The following MMRN2 variants were observed in gnomAD, a reference collection of about 807,000 sequenced individuals.
MMRN2 encodes multimerin-2.
MMRN2 carries 53 observed loss-of-function variants against 68.8 expected under a neutral mutation model. The ratio of observed to expected loss-of-function variants is 0.77; its 90% CI spans 0.62 to 0.97. The LOEUF is 0.97. Ranked by LOEUF, MMRN2 falls within the 50% of genes least tolerant of loss-of-function variation. The pLI is 0.00. For missense variants in MMRN2, 1,266 were observed against 1,259.5 expected (o/e 1.01, Z -0.08); for synonymous variants, 564 against 551.6 (o/e 1.02, Z -0.32).
rs1330637349 is a variant in MMRN2 at position 86,944,079 on chromosome 10, G to A, written c.705C>T (p.Thr235=). 1 of 1,614,004 alleles carries A rather than the reference G, an allele frequency of 6.2e-7. No homozygotes were observed. Among genetic ancestry groups the A allele is most frequent in the African/African-American group, 1.3e-5 (1 of 74,924 alleles). The part of the protein sequence containing the change: ...LEQVLLPHVD[T]FLQVHFSPIW... ...TGGGGCTGAAATGCACTTGTAGGAAGGTGTCCACGTGGGGTAGCAGCACCT... is the reference window on the plus strand; with the variant it reads ...TGGGGCTGAAATGCACTTGTAGGAAAGTGTCCACGTGGGGTAGCAGCACCT... Residue 235 remains threonine (T), a synonymous_variant, in exon 6 of 7, where the codon ACC becomes ACT. Transcript: ENST00000372027.
rs897329900 is a variant in MMRN2 at position 86,945,355 on chromosome 10, C to T, written c.400+15G>A. The T allele has an allele frequency of 5.6e-6, 9 of 1,600,234 alleles. No homozygotes were observed. The highest frequency in any genetic ancestry group is 2.7e-5 in the African/African-American group (2 of 74,692). On this transcript the variant is annotated intron_variant, in intron 3 of 6. Transcript: ENST00000372027. ...TCAGAGGTCAAGGGGGGAAGGGGGC[C>T]GCAGGGAGCCCTACCGTGGTGCTCG...
In MMRN2 at chr10:86,942,495, T is replaced by G. The variant is rs554439647; in HGVS notation, c.2289A>C (p.Glu763Asp). 2.5e-6 allele frequency: 4 copies of G among 1,614,096 alleles called. No homozygotes were observed. The South Asian group carries it at 4.4e-5, about 18-fold the overall frequency. The change falls in exon 6 of 7, where the codon GAA (glutamate) becomes GAC (aspartate). Residue 763 changes from glutamate (E) to aspartate (D), a missense_variant. Transcript: ENST00000372027. ...TCCCCAGGTCCAGGCTGACGTTGGCTTCCATGAGCCCTTGGAAGTTCCCAA... is the reference window on the plus strand; with the variant it reads ...TCCCCAGGTCCAGGCTGACGTTGGCGTCCATGAGCCCTTGGAAGTTCCCAA... Reference protein sequence around the residue: ...SLFGNFQGLMEANVSLDLGKL... With the variant: ...SLFGNFQGLMDANVSLDLGKL...
chr10:86,943,376 C>T lies in MMRN2; in HGVS notation c.1408G>A (p.Glu470Lys), dbSNP rs555019898. Residue 470 changes from glutamate to lysine, a missense_variant, in exon 6 of 7, where the codon GAG becomes AAG. Physicochemically the swap from Glu to Lys is moderately conservative, Grantham distance 56. Coordinates refer to ENST00000372027, the MANE Select transcript of MMRN2 (RefSeq NM_024756.3). This position sits in a 1 kb window ranked among gnomAD's most constrained non-coding sequence, Gnocchi z 4.2. ...AGGTGCTGCAGCGTGAGGTTGAGCT[C>T]CAGGAGCTGCCGCTCCACCTCCTCC... Reference protein sequence around the residue: ...NKEEVERQLLELNLTLQHLQG... With the variant: ...NKEEVERQLLKLNLTLQHLQG... 368 of 1,613,952 alleles carry T rather than the reference C, an allele frequency of 2.3e-4. 1 individual carries two copies. The South Asian group carries it at 3.9e-3, about 17-fold the overall frequency.
chr10:86,948,493 A>T (rs1048423290), intron 1 of MMRN2, among the ~76,000 whole-genome samples: 1 of 152,172 alleles, frequency 6.6e-6, no homozygotes, highest in Non-Finnish European at 1.5e-5. Flanking sequence ...ATGAAAATAA[A>T]TTTAATGGAA....
In MMRN2 at chr10:86,957,396, C is replaced by A. The variant is rs573069934; in HGVS notation, c.146G>T (p.Gly49Val). The change falls in exon 1 of 7, where the codon GGC becomes GTC. Residue 49 changes from glycine (G) to valine (V), a missense_variant. By Grantham distance (109) the Gly-to-Val change is moderately radical (BLOSUM62 -3). Transcript: ENST00000372027. ...GVWKAEAEDT[G>V]KDPVGRNWCP... ...CTCTTACCGTCCTACGGGGTCCTTG[C>A]CGGTGTCCTCAGCCTCTGCCTTCCA... The A allele has an allele frequency of 3.1e-6, 5 of 1,613,404 alleles. No individual in the cohort carries two copies. The highest frequency in any genetic ancestry group is 4.2e-6 in the Non-Finnish European group (5 of 1,179,926).
At position 86,943,650 on chromosome 10, in the gene MMRN2, C is replaced by T; in HGVS notation, c.1134G>A (p.Arg378=). 2 of 1,613,002 alleles carry T rather than the reference C, an allele frequency of 1.2e-6. No homozygotes were observed. The highest frequency in any genetic ancestry group is 1.7e-6 in the Non-Finnish European group (2 of 1,179,988). The change falls in exon 6 of 7, where the codon AGG becomes AGA. Residue 378 remains arginine (R), a synonymous_variant. Coordinates refer to ENST00000372027, the MANE Select transcript of MMRN2 (RefSeq NM_024756.3). This position sits in a 1 kb window ranked among gnomAD's most constrained non-coding sequence, Gnocchi z 4.2. ...TGGTCATGTGCAGCTCTGAGAGGTTCCTCTGCAGCTGGCCCAGCCTGGCCT... is the reference window on the plus strand; with the variant it reads ...TGGTCATGTGCAGCTCTGAGAGGTTTCTCTGCAGCTGGCCCAGCCTGGCCT... ...SLQARLGQLQ[R]NLSELHMTTA...
chr10:86,946,150 C>CTGGA (rs1431694983), intron 1 of MMRN2, among the ~76,000 whole-genome samples: 15 of 152,316 alleles, frequency 9.8e-5, no homozygotes, highest in Non-Finnish European at 1.6e-4. Context: ...ATCCTGGGTT[C>CTGGA]GAATCCCTCA....
chr10:86,955,013 G>A (rs1459717169), intron 1 of MMRN2, among the ~76,000 whole-genome samples: 3 of 152,228 alleles, frequency 2.0e-5, no homozygotes, highest in Admixed American at 6.5e-5. Context: ...GGAGAAGCCT[G>A]AGGCTGGTGA....
chr10:86,939,384 C>T (rs1348269216), intron 6 of MMRN2, among the ~76,000 whole-genome samples: 12 of 142,732 alleles, frequency 8.4e-5, no homozygotes, highest in Middle Eastern at 3.6e-3. Flanking sequence ...ATCGTTTGAA[C>T]CCGGAAGGCG....
chr10:86,945,494 CTGG>C lies in MMRN2; in HGVS notation c.294-21_294-19del. 1 of 1,556,600 alleles carries C rather than the reference CTGG, an allele frequency of 6.4e-7. No homozygotes were observed. Among genetic ancestry groups the C allele is most frequent in the Non-Finnish European group, 8.7e-7 (1 of 1,149,692 alleles). ...TGCGGTACCTGGAAGAGGAGAAGGGCTGGCTCAGTGATTCCAGGGAGGGCCCGC... is the reference window on the plus strand; with the variant it reads ...TGCGGTACCTGGAAGAGGAGAAGGGCCTCAGTGATTCCAGGGAGGGCCCGC... On this transcript the variant is annotated intron_variant, in intron 2 of 6. Coordinates refer to ENST00000372027, the MANE Select transcript of MMRN2 (RefSeq NM_024756.3).
chr10:86,953,241 A>T (rs1220922559), intron 1 of MMRN2, among the ~76,000 whole-genome samples: 2 of 152,222 alleles, frequency 1.3e-5, no homozygotes, highest in Non-Finnish European at 2.9e-5. Context: ...TCAGCTTATG[A>T]AGATAACAGG....
At chr10:86,944,174 C>T (rs768415166) in intron 5 of MMRN2, 46 bp from the exon 6 acceptor site, 2 of 1,597,934 alleles carry the variant, frequency 1.3e-6, no homozygotes, top group Middle Eastern at 1.7e-4. Context: ...GGAGCAGACA[C>T]TCCTCCCAGG....
At chr10:86,955,332 AGGCTGCT>A (rs1239012547) in intron 1 of MMRN2, among the ~76,000 whole-genome samples, 1 of 152,198 alleles carries the variant, frequency 6.6e-6, no homozygotes, top group Non-Finnish European at 1.5e-5. Flanking sequence ...CCTAATGCTC[AGGCTGCT>A]GGCTCCCTGG....
intron 1 of MMRN2, among the ~76,000 whole-genome samples, chr10:86,955,009 G>C (rs1415670050): frequency 6.6e-6 from 1 of 152,222 alleles, no homozygotes; most frequent in African/African-American, 2.4e-5. Flanking sequence ...GTCAGGAGAA[G>C]CCTGAGGCTG....
chr10:86,956,015 C>T (rs916165414), intron 1 of MMRN2, among the ~76,000 whole-genome samples: 12 of 152,172 alleles, frequency 7.9e-5, no homozygotes, highest in Non-Finnish European at 1.6e-4. Context: ...CTCCCTCCTC[C>T]CTCCCGTCCA....
In MMRN2 at chr10:86,943,490, G is replaced by C. The variant is rs200940554; in HGVS notation, c.1294C>G (p.Gln432Glu). 6.2e-7 allele frequency: 1 copy of C among 1,614,186 alleles called. No homozygotes were observed. ...TFDQISKVER[Q>E]VEELQVNHTA... is the part of the protein sequence containing the mutation. ...TGGTTCACCTGCAGCTCCTCCACCTGCCGCTCCACCTTGCTAATCTGATCG... is the reference window on the plus strand; with the variant it reads ...TGGTTCACCTGCAGCTCCTCCACCTCCCGCTCCACCTTGCTAATCTGATCG... Residue 432 changes from glutamine (Q) to glutamate (E), a missense_variant, in exon 6 of 7, where the codon CAG becomes GAG. By Grantham distance (29) the Gln-to-Glu change is conservative. Transcript: ENST00000372027. The surrounding 1 kb of genome is among the most constrained non-coding windows in gnomAD (Gnocchi z 4.2).
In MMRN2 at chr10:86,943,334, C is replaced by T. The variant is rs1844007487; in HGVS notation, c.1450G>A (p.Asp484Asn). ...CAGTCCTTCACGTACTTGATGAGGT[C>T]GGCATGGCCACCCTGCAGGTGCTGC... ...TLQHLQGGHA[D>N]LIKYVKDCNC... Residue 484 changes from aspartate to asparagine, a missense_variant, in exon 6 of 7, where the codon GAC becomes AAC. Asp to Asn is a conservative substitution (Grantham distance 23). Transcript: ENST00000372027. The surrounding 1 kb of genome is among the most constrained non-coding windows in gnomAD (Gnocchi z 4.2). 1.2e-6 allele frequency: 2 copies of T among 1,613,842 alleles called. No individual in the cohort carries two copies. Among genetic ancestry groups the T allele is most frequent in the South Asian group, 1.1e-5 (1 of 91,080 alleles).
chr10:86,951,068 A>G (rs1037244933), intron 1 of MMRN2, among the ~76,000 whole-genome samples: 6 of 152,120 alleles, frequency 3.9e-5, no homozygotes, highest in African/African-American at 9.7e-5. Context: ...AGCCTGGGCA[A>G]CAAGAGTGAA....
intron 1 of MMRN2, among the ~76,000 whole-genome samples, chr10:86,953,883 C>T (rs1165303003): frequency 2.0e-5 from 3 of 152,214 alleles, no homozygotes; most frequent in East Asian, 1.9e-4. Flanking sequence ...GAAACTATGC[C>T]GCCCACCCTT....
Sources: allele counts gnomAD v4.1 joint callset (sites outside exome capture counted in the v4.1 genomes callset), GRCh38; gene constraint gnomAD v4.1.1; non-coding constraint Gnocchi (gnomAD v3.1); transcripts MANE v1.5; gene names NCBI Gene and HGNC (gene_info 2026-07-23, HGNC 2026-07-21).